The following VTI1A variants were observed in gnomAD, a reference collection of about 807,000 sequenced individuals.
VTI1A encodes vesicle transport through interaction with t-SNAREs 1A, also known as vesicle transport through interaction with t-SNAREs homolog 1A.
In VTI1A, 22 loss-of-function variants were observed where a neutral mutation model predicts 34.9. That is an observed-to-expected ratio of 0.63 (90% CI 0.45 to 0.90). The LOEUF (loss-of-function observed/expected upper bound fraction) is 0.90, where lower values mean the gene tolerates loss of function less well. Among genes scored for constraint, VTI1A ranks in the 40% least tolerant of loss-of-function variants. The probability of loss-of-function intolerance (pLI) is 0.00; values close to 1 mark genes in which losing one functional copy is unlikely to be tolerated. For missense variants in VTI1A, 268 were observed against 275.6 expected (o/e 0.97, Z 0.20); for synonymous variants, 87 against 97.3 (o/e 0.89, Z 0.62).
chr10:112,472,673 G>C (rs1213038238), intron 3 of VTI1A, among the ~76,000 whole-genome samples: 1 of 151,862 alleles, frequency 6.6e-6, no homozygotes, highest in Non-Finnish European at 1.5e-5. Context: ...AGCTTCCTGG[G>C]ATATTTTACT....
At chr10:112,473,471 T>C (rs1183703912) in intron 3 of VTI1A, among the ~76,000 whole-genome samples, 1 of 152,196 alleles carries the variant, frequency 6.6e-6, no homozygotes, top group Non-Finnish European at 1.5e-5. Context: ...ATATTCTTGA[T>C]CATTTTAATG....
At chr10:112,783,947 G>A (rs1012535867) in intron 7 of VTI1A, among the ~76,000 whole-genome samples, 1 of 152,176 alleles carries the variant, frequency 6.6e-6, no homozygotes, top group Admixed American at 6.5e-5. Flanking sequence ...GCCTTCTCCC[G>A]AGAACTGTCA....
At chr10:112,531,554 T>G (rs940818906) in intron 4 of VTI1A, among the ~76,000 whole-genome samples, 1 of 151,798 alleles carries the variant, frequency 6.6e-6, no homozygotes, top group African/African-American at 2.4e-5. Context: ...AAATCCGATG[T>G]AGAGCTTGAA....
intron 7 of VTI1A, among the ~76,000 whole-genome samples, chr10:112,705,576 C>A (rs887616992): frequency 7.2e-5 from 11 of 152,194 alleles, no homozygotes; most frequent in African/African-American, 2.7e-4. Context: ...GGCTGCCTCA[C>A]ACTGCTCATA....
At chr10:112,529,407 CTT>C (rs1177319595) in intron 4 of VTI1A, among the ~76,000 whole-genome samples, 1 of 152,102 alleles carries the variant, frequency 6.6e-6, no homozygotes, top group Non-Finnish European at 1.5e-5. Flanking sequence ...TTGAGAATAA[CTT>C]TTTTATTCCG....
the VTI1A span, among the ~76,000 whole-genome samples, chr10:112,830,849 A>ATATATATATATATATATATATATATATAT: frequency 4.2e-4 from 14 of 33,478 alleles, no homozygotes; most frequent in Admixed American, 9.4e-4. Flanking sequence ...ATATATATAT[A>ATATATATATATATATATATATATATATAT]TTTTTTTTTT....
the VTI1A span, among the ~76,000 whole-genome samples, chr10:112,842,037 C>CT: frequency 0.015 from 596 of 39,766 alleles, 3 homozygotes; most frequent in African/African-American, 0.038. Flanking sequence ...GAGTTCTTTT[C>CT]TTTTTTTTTT....
At chr10:112,734,664 T>A (rs901732753) in intron 7 of VTI1A, among the ~76,000 whole-genome samples, 6 of 151,816 alleles carry the variant, frequency 4.0e-5, no homozygotes, top group African/African-American at 1.2e-4. Flanking sequence ...CTTTTTTTTT[T>A]TTTTTTGACA....
chr10:112,641,469 G>C (rs192907669), intron 5 of VTI1A, among the ~76,000 whole-genome samples: 251 of 152,310 alleles, frequency 1.6e-3, no homozygotes, highest in African/African-American at 5.5e-3. Context: ...CAAATGACCA[G>C]GTGATGATGT....
chr10:112,469,646 T>A (rs1848012574), intron 3 of VTI1A, among the ~76,000 whole-genome samples: 1 of 152,178 alleles, frequency 6.6e-6, no homozygotes, highest in Non-Finnish European at 1.5e-5. Flanking sequence ...ACTGTAGTGT[T>A]TAATAAGTGC....
At chr10:112,458,676 A>ATTTTTT (rs1345414892) in intron 1 of VTI1A, among the ~76,000 whole-genome samples, 1 of 135,558 alleles carries the variant, frequency 7.4e-6, no homozygotes, top group Non-Finnish European at 1.6e-5. Flanking sequence ...TTTTATTTTT[A>ATTTTTT]TTTTTTTTGA....
chr10:112,558,075 A>G (rs542541232), intron 5 of VTI1A, among the ~76,000 whole-genome samples: 44 of 152,296 alleles, frequency 2.9e-4, no homozygotes, highest in Admixed American at 2.0e-3. Flanking sequence ...ACTCCTGTTC[A>G]TGTGTGTTTC....
At chr10:112,505,954 A>G (rs1437398124) in intron 3 of VTI1A, among the ~76,000 whole-genome samples, 2 of 152,204 alleles carry the variant, frequency 1.3e-5, no homozygotes. Flanking sequence ...AGTATAGTAT[A>G]ATAAGATATT....
At chr10:112,668,836 A>G (rs1338956539) in intron 6 of VTI1A, 101 bp from the exon 7 acceptor site, 2 of 1,251,928 alleles carry the variant, frequency 1.6e-6, no homozygotes, top group East Asian at 4.8e-5. Context: ...GAACATTTTT[A>G]TTGTTTGGAT....
At chr10:112,720,039 T>A (rs895136002) in intron 7 of VTI1A, among the ~76,000 whole-genome samples, 9 of 152,388 alleles carry the variant, frequency 5.9e-5, no homozygotes, top group East Asian at 1.9e-4. Context: ...CTTAGCATAA[T>A]GTTTCAAATC....
At chr10:112,713,449 A>G (rs147532159) in intron 7 of VTI1A, among the ~76,000 whole-genome samples, 65 of 152,070 alleles carry the variant, frequency 4.3e-4, no homozygotes, top group African/African-American at 1.4e-3. Context: ...CTGTCAGAGA[A>G]AACCTATAAG....
intron 5 of VTI1A, among the ~76,000 whole-genome samples, chr10:112,627,730 A>T (rs1431658628): frequency 3.3e-5 from 5 of 152,314 alleles, no homozygotes; most frequent in Admixed American, 3.3e-4. Flanking sequence ...ATGTAACAGG[A>T]CCTGGTGCTG....
the VTI1A span, among the ~76,000 whole-genome samples, chr10:112,849,764 G>T: frequency 1.6e-3 from 243 of 152,358 alleles, 1 homozygote; most frequent in Middle Eastern, 6.8e-3. Flanking sequence ...TGCTGCTCCA[G>T]TCTGAGTCGC....
chr10:112,658,704 A>C (rs1020898350), intron 5 of VTI1A, among the ~76,000 whole-genome samples: 1 of 152,168 alleles, frequency 6.6e-6, no homozygotes, highest in Non-Finnish European at 1.5e-5. Context: ...GAGGTGGCAA[A>C]CTGGATAGTA....
Sources: allele counts gnomAD v4.1 joint callset (sites outside exome capture counted in the v4.1 genomes callset), GRCh38; gene constraint gnomAD v4.1.1; transcripts MANE v1.5; gene names NCBI Gene and HGNC (gene_info 2026-07-23, HGNC 2026-07-21).